The following GINS4 variants were observed in gnomAD, a reference collection of about 807,000 sequenced individuals.
The protein encoded by GINS4 is DNA replication complex GINS protein SLD5.
A neutral mutation model predicts 31.1 loss-of-function variants in GINS4; 20 were observed. The observed-to-expected ratio is 0.64, with a 90% CI of 0.45 to 0.93. The LOEUF (loss-of-function observed/expected upper bound fraction) is 0.93, where lower values mean the gene tolerates loss of function less well. Among genes scored for constraint, GINS4 ranks in the 40% least tolerant of loss-of-function variants. GINS4 has a pLI of 0.00. For missense variants in GINS4, 245 were observed against 273.9 expected, an observed-to-expected ratio of 0.89 and a Z score of 0.75; for synonymous variants, 85 against 97.9, an observed-to-expected ratio of 0.87 and a Z score of 0.78.
chr8:41,534,446 A>T (rs1585620017), intron 2 of GINS4: 1 of 169,210 alleles, frequency 5.9e-6, no homozygotes, highest in Non-Finnish European at 1.3e-5. Flanking sequence ...GGATTTAGAT[A>T]CAAGTTTCTC....
At chr8:41,531,650 C>T (rs535117347) in intron 2 of GINS4, among the ~76,000 whole-genome samples, 4 of 152,208 alleles carry the variant, frequency 2.6e-5, no homozygotes, top group African/African-American at 9.6e-5. Flanking sequence ...GTCTTTCATC[C>T]CACAATAACG....
chr8:41,530,999 C>T (rs560197158), intron 2 of GINS4, among the ~76,000 whole-genome samples: 9 of 152,294 alleles, frequency 5.9e-5, no homozygotes, highest in South Asian at 4.1e-4. Flanking sequence ...GGGCCGGGCA[C>T]GGTGGCTCAA....
chr8:41,534,140 A>G (rs1806700326), intron 2 of GINS4: 1 of 226,732 alleles, frequency 4.4e-6, no homozygotes, highest in African/African-American at 2.3e-5. Flanking sequence ...CAGTGGTTCA[A>G]GCCTGTAATC....
chr8:41,536,765 G>A (rs1193822690), intron 3 of GINS4, among the ~76,000 whole-genome samples: 1 of 152,162 alleles, frequency 6.6e-6, no homozygotes, highest in Non-Finnish European at 1.5e-5. Flanking sequence ...CCCTTCTCTT[G>A]TAGCCTCCCC....
rs1235519182 is a variant in GINS4, at chr8:41,542,338, C to T, written c.*251C>T. 6.5e-6 allele frequency: 3 copies of T among 458,972 alleles called. No homozygotes were observed. The highest frequency in any genetic ancestry group is 4.0e-5 in the African/African-American group (2 of 50,060). The allele number at this position is 458,972 out of a possible 1,614,324, so 28.4% of individuals were successfully genotyped here. A position where few individuals can be genotyped will look rare whatever the true frequency, so the allele number is the denominator to read the frequency against. ...GCAGGAGGTTGCAGTGAGCCGAGGTCGTGCCATTGCACTCCAGCCTGGGTG... is the reference window on the plus strand; with the variant it reads ...GCAGGAGGTTGCAGTGAGCCGAGGTTGTGCCATTGCACTCCAGCCTGGGTG... On this transcript the variant is annotated 3_prime_UTR_variant, in exon 8 of 8. Coordinates refer to ENST00000276533, the MANE Select transcript of GINS4 (RefSeq NM_032336.3).
chr8:41,533,636 A>G (rs906663323), intron 2 of GINS4, among the ~76,000 whole-genome samples: 14 of 152,232 alleles, frequency 9.2e-5, no homozygotes, highest in Non-Finnish European at 2.1e-4. Flanking sequence ...CTCCAGGAGC[A>G]TATATAGGAT....
chr8:41,540,074 A>C (rs1806811380), intron 6 of GINS4, 70 bp downstream of exon 6: 1 of 1,081,474 alleles, frequency 9.2e-7, no homozygotes, highest in South Asian at 1.3e-5. Flanking sequence ...TCCTCTCTTC[A>C]CTGTTTTTAC....
intron 2 of GINS4, among the ~76,000 whole-genome samples, chr8:41,530,601 C>CTT (rs1806634773): frequency 6.6e-6 from 1 of 152,182 alleles, no homozygotes; most frequent in African/African-American, 2.4e-5. Flanking sequence ...CCCTGAACTT[C>CTT]TTTACCTTAG....
Position 41,543,164 on chromosome 8 carries a change from T to C in GINS4, c.*1077T>C, listed in dbSNP as rs1269421773. 2 of 152,272 alleles carry C rather than the reference T, an allele frequency of 1.3e-5. No homozygotes were observed. Among genetic ancestry groups the C allele is most frequent in the African/African-American group, 2.4e-5 (1 of 41,478 alleles). 9.4% of individuals were successfully genotyped at this position (152,272 alleles called of 1,614,324 possible). ...ACTAACATTTTAGAACCTCTAATAT[T>C]GGACTTAAAACCAATTTCTGTCGTG... On this transcript the variant is annotated 3_prime_UTR_variant, in exon 8 of 8. Coordinates refer to ENST00000276533, the MANE Select transcript of GINS4 (RefSeq NM_032336.3).
chr8:41,537,118 C>G, intron 3 of GINS4, 62 bp from the exon 4 acceptor site: 1 of 1,045,288 alleles, frequency 9.6e-7, no homozygotes, highest in Non-Finnish European at 1.5e-6. Flanking sequence ...GGGTCCTCAA[C>G]GTTGCCGGTG....
rs1236428680 is a variant in GINS4 at position 41,543,386 on chromosome 8, C to CT, written c.*1300dup. 6.6e-6 allele frequency: 1 copy of CT among 152,220 alleles called. No individual in the cohort carries two copies. The highest frequency in any genetic ancestry group is 1.5e-5 in the Non-Finnish European group (1 of 68,036). 9.4% of individuals were successfully genotyped at this position (152,220 alleles called of 1,614,324 possible). ...CATCTGGCTGTCCTTGGCCAAGGCA[C>CT]TGTTAACGGAGTGACGTTAACCATC... On this transcript the variant is annotated 3_prime_UTR_variant, in exon 8 of 8. Transcript: ENST00000276533.
intron 4 of GINS4, chr8:41,537,926 C>G (rs1806769981): frequency 6.6e-6 from 1 of 150,956 alleles, no homozygotes; most frequent in African/African-American, 2.4e-5. Flanking sequence ...GAGGCTGAGA[C>G]AGGAGAATTG....
At chr8:41,536,502 C>T in intron 3 of GINS4, 56 bp downstream of exon 3, 2 of 1,042,250 alleles carry the variant, frequency 1.9e-6, no homozygotes, top group Middle Eastern at 4.1e-4. Flanking sequence ...AGCATTTGGT[C>T]AGCACACTGA....
chr8:41,530,314 C>T lies in GINS4; in HGVS notation c.96+16C>T, dbSNP rs776597611. On this transcript the variant is annotated intron_variant, in intron 2 of 7. Coordinates refer to ENST00000276533, the MANE Select transcript of GINS4 (RefSeq NM_032336.3). ...ATTGGAGCAGGTAAGCATCCCAGAT[C>T]GAATCCCTTTGCTCCAGTCAGCCTT... The T allele has an allele frequency of 1.3e-6, 2 of 1,577,044 alleles. No individual in the cohort carries two copies. Among genetic ancestry groups the T allele is most frequent in the Non-Finnish European group, 1.7e-6 (2 of 1,150,028 alleles).
At position 41,539,790 on chromosome 8, in the gene GINS4, C is replaced by T. The variant is rs771978178; in HGVS notation, c.395+15C>T. 4.4e-5 allele frequency: 71 copies of T among 1,608,024 alleles called. No homozygotes were observed. Among genetic ancestry groups the T allele is most frequent in the Non-Finnish European group, 5.4e-5 (64 of 1,174,686 alleles). ...TTTGCCAGAGAGTGAGTGAGTGAGC[C>T]GTTGGCGTGGGGCACCTGGCTGGTT... On this transcript the variant is annotated intron_variant, in intron 5 of 7. Coordinates refer to ENST00000276533, the MANE Select transcript of GINS4 (RefSeq NM_032336.3).
Position 41,537,875 on chromosome 8 carries a change from G to A in GINS4, c.297+582G>A, listed in dbSNP as rs1317081238. 2 of 152,048 alleles carry A rather than the reference G, an allele frequency of 1.3e-5. 1 individual carries two copies. Among genetic ancestry groups the A allele is most frequent in the Admixed American group, 1.3e-4 (2 of 15,250 alleles). 9.4% of individuals were successfully genotyped at this position (152,048 alleles called of 1,614,324 possible). ...ATTTCTACTAAAAATAAAAAAATTA[G>A]CCAGGCGTGGCGGCAGGCGCCTGTA... is the stretch of plus-strand genomic sequence containing the variant. On this transcript the variant is annotated intron_variant, in intron 4 of 7. Transcript: ENST00000276533.
Position 41,530,270 on chromosome 8 carries a change from C to T in GINS4, c.68C>T (p.Pro23Leu). The change falls in exon 2 of 8, where the codon CCT (proline) becomes CTT (leucine). Residue 23 changes from proline to leucine, a missense_variant. By Grantham distance (98) the Pro-to-Leu change is moderately conservative (BLOSUM62 -3). Coordinates refer to ENST00000276533, the MANE Select transcript of GINS4 (RefSeq NM_032336.3). ...GGTAGTGAGGAAGTGGTCCTAACTC[C>T]TGCAGAGCTCATTGAAAGATTGGAG... is the stretch of plus-strand genomic sequence containing the variant. Reference protein sequence around the residue: ...DGGSEEVVLTPAELIERLEQA... With the variant: ...DGGSEEVVLTLAELIERLEQA... The T allele has an allele frequency of 3.1e-6, 5 of 1,613,692 alleles. No individual in the cohort carries two copies. In the South Asian group the frequency reaches 4.4e-5, roughly 14 times the overall value.
chr8:41,540,381 G>A (rs943062844), intron 6 of GINS4: 8 of 262,738 alleles, frequency 3.0e-5, no homozygotes, highest in Admixed American at 1.5e-4. Flanking sequence ...CCATCTCTTC[G>A]TCACAGGTCC....
intron 3 of GINS4, among the ~76,000 whole-genome samples, chr8:41,536,881 C>T (rs1335218624): frequency 6.6e-6 from 1 of 152,230 alleles, no homozygotes; most frequent in African/African-American, 2.4e-5. Flanking sequence ...ATTTCAGTTT[C>T]TCAGCTGGTG....
Sources: gnomAD v4.1 joint callset for allele counts (sites outside exome capture counted in the v4.1 genomes callset) on GRCh38, gnomAD v4.1.1 for gene constraint, MANE v1.5 for transcripts, NCBI Gene and HGNC (gene_info 2026-07-23, HGNC 2026-07-21) for gene names.